The following ELF2 variants were observed in gnomAD, a reference collection of about 807,000 sequenced individuals.
ELF2 encodes E74 like ETS transcription factor 2.
In ELF2, 11 loss-of-function variants were observed where a neutral mutation model predicts 54.8. The observed-to-expected ratio is 0.20, with a 90% CI of 0.13 to 0.33. The LOEUF is 0.33. Ranked by LOEUF, ELF2 falls within the 10% of genes least tolerant of loss-of-function variation. The probability of loss-of-function intolerance (pLI) is 1.00; values close to 1 mark genes in which losing one functional copy is unlikely to be tolerated. For synonymous variants in ELF2, 203 were observed against 245.1 expected (o/e 0.83, Z 1.61); for missense variants, 513 against 703.0 (o/e 0.73, Z 3.06).
intron 4 of ELF2, among the ~76,000 whole-genome samples, chr4:139,074,378 T>G (rs1729971920): frequency 6.6e-6 from 1 of 152,122 alleles, no homozygotes; most frequent in Non-Finnish European, 1.5e-5. Flanking sequence ...ATCAATTAAT[T>G]CAATTCTTAC....
rs1738306430 is a variant in ELF2, at chr4:139,137,495, A to C, written c.72+135T>G. 7 of 857,954 alleles carry C rather than the reference A, an allele frequency of 8.2e-6. No homozygotes were observed. In the South Asian group the frequency reaches 1.1e-4, roughly 14 times the overall value. The allele number at this position is 857,954 out of a possible 1,614,324, so 53.1% of individuals were successfully genotyped here. On this transcript the variant is annotated intron_variant, in intron 3 of 9. Coordinates refer to ENST00000686138, the MANE Select transcript of ELF2 (RefSeq NM_001331036.3). Reference sequence around the variant, plus strand: ...CTTCTATTACCTAAATTATATAAGGATACACGACATGTACATGTATAATTT... The same window carrying C: ...CTTCTATTACCTAAATTATATAAGGCTACACGACATGTACATGTATAATTT...
intron 4 of ELF2, among the ~76,000 whole-genome samples, chr4:139,105,058 C>T (rs1350295518): frequency 1.3e-5 from 2 of 152,034 alleles, no homozygotes; most frequent in African/African-American, 2.4e-5. Flanking sequence ...GTAATGTGTA[C>T]ATGATAAATG....
At chr4:139,091,385 TAAAC>T (rs1323355054) in intron 4 of ELF2, among the ~76,000 whole-genome samples, 16 of 151,952 alleles carry the variant, frequency 1.1e-4, no homozygotes, top group Non-Finnish European at 2.4e-4. Context: ...GGTTTAAAAA[TAAAC>T]AAGCTCAGCA....
intron 7 of ELF2, among the ~76,000 whole-genome samples, chr4:139,063,554 C>T (rs1008204184): frequency 2.6e-5 from 4 of 152,172 alleles, no homozygotes; most frequent in Non-Finnish European, 5.9e-5. Flanking sequence ...GCTTATTCAT[C>T]GCATACCATG....
chr4:139,175,074 A>G (rs1560900386), intron 1 of ELF2, among the ~76,000 whole-genome samples: 2 of 152,248 alleles, frequency 1.3e-5, no homozygotes, highest in African/African-American at 4.8e-5. Flanking sequence ...AAAAATTAAT[A>G]AACCCACCAA....
At chr4:139,147,396 T>A (rs944845849) in intron 1 of ELF2, among the ~76,000 whole-genome samples, 2 of 152,220 alleles carry the variant, frequency 1.3e-5, no homozygotes, top group Non-Finnish European at 2.9e-5. Flanking sequence ...GATATTGGCA[T>A]GGACTTGGTG....
chr4:139,114,561 T>A lies in ELF2; in HGVS notation c.238+10603A>T, dbSNP rs866191592. On this transcript the variant is annotated intron_variant, in intron 4 of 9. Coordinates refer to ENST00000686138, the MANE Select transcript of ELF2 (RefSeq NM_001331036.3). ...CTGGCAACAGAGCGAGACTTCAGTC[T>A]CACACACACACACACACACACACAC... Among the ~76,000 whole-genome samples the A allele has an allele frequency of 7.8e-3, 852 of 108,606 alleles. 7 individuals carry two copies. The highest frequency in any genetic ancestry group is 0.029 in the African/African-American group (815 of 28,138). 71.2% of individuals were successfully genotyped at this position (108,606 alleles called of 152,430 possible). A position where few individuals can be genotyped will look rare whatever the true frequency, so the allele number is the denominator to read the frequency against.
chr4:139,066,360 C>G (rs1361307981), intron 7 of ELF2: 1 of 152,046 alleles, frequency 6.6e-6, no homozygotes, highest in East Asian at 1.9e-4. Flanking sequence ...ATAATCCCAA[C>G]ACTTTGGGAG....
intron 4 of ELF2, among the ~76,000 whole-genome samples, chr4:139,116,465 T>C (rs1243373050): frequency 5.3e-5 from 8 of 152,172 alleles, no homozygotes; most frequent in African/African-American, 1.7e-4. Flanking sequence ...GAAACAAATA[T>C]TAAGAATATG....
chr4:139,069,377 CAG>C (rs577424961), intron 6 of ELF2, among the ~76,000 whole-genome samples: 158 of 152,260 alleles, frequency 1.0e-3, no homozygotes, highest in Admixed American at 2.7e-3. Context: ...AAAAGTAAAA[CAG>C]AAAGTTCACT....
intron 5 of ELF2, 43 bp downstream of exon 5, chr4:139,073,411 A>G (rs2148699307): frequency 7.1e-7 from 1 of 1,400,026 alleles, no homozygotes; most frequent in East Asian, 2.3e-5. Flanking sequence ...AGACATATGA[A>G]GTAGTATGAC....
At chr4:139,102,918 C>T (rs1188761021) in intron 4 of ELF2, among the ~76,000 whole-genome samples, 8 of 151,974 alleles carry the variant, frequency 5.3e-5, no homozygotes, top group East Asian at 1.9e-4. Context: ...GACAGGGTCT[C>T]GCTCTGTCAG....
intron 1 of ELF2, among the ~76,000 whole-genome samples, chr4:139,165,139 T>G (rs1741593602): frequency 6.6e-6 from 1 of 152,206 alleles, no homozygotes; most frequent in Non-Finnish European, 1.5e-5. Flanking sequence ...GCTGTCTTTA[T>G]TAGGGTTTTT....
At chr4:139,096,702 T>C (rs1482997572) in intron 4 of ELF2, among the ~76,000 whole-genome samples, 1 of 150,916 alleles carries the variant, frequency 6.6e-6, no homozygotes, top group African/African-American at 2.4e-5. Flanking sequence ...ACTCCTGGAC[T>C]CAAGCAATCT....
At chr4:139,127,947 AGAAT>A (rs761452735) in intron 3 of ELF2, among the ~76,000 whole-genome samples, 2 of 149,662 alleles carry the variant, frequency 1.3e-5, no homozygotes, top group Non-Finnish European at 3.0e-5. Flanking sequence ...CCTGGCTGAC[AGAAT>A]GAGACTCGGT....
intron 1 of ELF2, among the ~76,000 whole-genome samples, chr4:139,155,871 T>A (rs940042118): frequency 6.6e-6 from 1 of 152,178 alleles, no homozygotes; most frequent in African/African-American, 2.4e-5. Flanking sequence ...ACTCATATCA[T>A]GAGACTTACT....
At chr4:139,102,720 A>T (rs946948093) in intron 4 of ELF2, among the ~76,000 whole-genome samples, 4 of 150,968 alleles carry the variant, frequency 2.6e-5, no homozygotes, top group African/African-American at 9.8e-5. Flanking sequence ...GGGCACCTGT[A>T]ATCCCAGCTA....
At chr4:139,068,007 T>C (rs1032037517) in intron 6 of ELF2, among the ~76,000 whole-genome samples, 6 of 152,144 alleles carry the variant, frequency 3.9e-5, no homozygotes, top group Admixed American at 6.5e-5. Flanking sequence ...GCCATATACA[T>C]TGGTCAGAGC....
At chr4:139,120,911 C>T (rs1394276076) in intron 4 of ELF2, among the ~76,000 whole-genome samples, 1 of 151,894 alleles carries the variant, frequency 6.6e-6, no homozygotes, top group African/African-American at 2.4e-5. Context: ...TTATATTTCC[C>T]TCAGTTTACA....
Sources: allele counts gnomAD v4.1 joint callset (sites outside exome capture counted in the v4.1 genomes callset), GRCh38; gene constraint gnomAD v4.1.1; transcripts MANE v1.5; gene names NCBI Gene and HGNC (gene_info 2026-07-23, HGNC 2026-07-21).